The following MAD1L1 variants were observed in gnomAD, a reference collection of about 807,000 sequenced individuals.
MAD1L1 encodes the protein mitotic arrest deficient 1 like 1.
A neutral mutation model predicts 96.9 loss-of-function variants in MAD1L1; 95 were observed. The observed-to-expected ratio is 0.98, with a 90% CI of 0.83 to 1.16. The LOEUF (loss-of-function observed/expected upper bound fraction) is 1.16. Ranked by LOEUF, MAD1L1 falls within the 50% of genes most tolerant of loss-of-function variation. The pLI, the probability that MAD1L1 is intolerant of heterozygous loss-of-function variation, is 0.00. For synonymous variants in MAD1L1, 473 were observed against 396.6 expected, an observed-to-expected ratio of 1.19 and a Z score of -2.29; for missense variants, 1,007 against 954.4, an observed-to-expected ratio of 1.06 and a Z score of -0.73.
intron 15 of MAD1L1, among the ~76,000 whole-genome samples, chr7:1,973,911 C>A (rs1000971654): frequency 2.0e-5 from 3 of 152,208 alleles, no homozygotes; most frequent in Non-Finnish European, 4.4e-5. Context: ...AGCACAGACA[C>A]AGGAGCAGTG....
intron 16 of MAD1L1, among the ~76,000 whole-genome samples, chr7:1,950,324 G>A (rs1036823265): frequency 1.3e-5 from 2 of 152,110 alleles, no homozygotes; most frequent in Admixed American, 6.5e-5. Context: ...CTGTCCGTCC[G>A]TCCAGTGGCT....
chr7:2,161,842 T>G (rs1015647444), intron 10 of MAD1L1, among the ~76,000 whole-genome samples: 1 of 151,382 alleles, frequency 6.6e-6, no homozygotes, highest in African/African-American at 2.4e-5. Context: ...CCGCCCTGTC[T>G]GGGAAGTGAG....
chr7:2,008,835 T>G (rs62444879), intron 13 of MAD1L1, among the ~76,000 whole-genome samples: 6 of 103,332 alleles, frequency 5.8e-5, no homozygotes, highest in Admixed American at 9.5e-5. Flanking sequence ...GAAGCTCAGG[T>G]GGGAAGGAAC....
chr7:1,913,454 G>A (rs1471535316), intron 17 of MAD1L1, among the ~76,000 whole-genome samples: 5 of 152,204 alleles, frequency 3.3e-5, no homozygotes, highest in Non-Finnish European at 7.3e-5. Context: ...GGGAACCGTC[G>A]GGGGAGGCTC....
chr7:1,942,973 C>G (rs1270122499), intron 16 of MAD1L1, among the ~76,000 whole-genome samples: 1 of 152,192 alleles, frequency 6.6e-6, no homozygotes, highest in Non-Finnish European at 1.5e-5. Context: ...AGGAACCAAC[C>G]ACACGTTCAT....
At chr7:2,126,948 C>T (rs60269644) in intron 11 of MAD1L1, among the ~76,000 whole-genome samples, 3,090 of 152,312 alleles carry the variant, frequency 0.02, 105 homozygotes, top group African/African-American at 0.071. Flanking sequence ...TAAACAACGG[C>T]AGATTACAAC....
intron 14 of MAD1L1, among the ~76,000 whole-genome samples, chr7:1,988,171 C>T (rs139732904): frequency 0.01 from 1,559 of 152,328 alleles, 32 homozygotes; most frequent in African/African-American, 0.035. Flanking sequence ...AGGAAGAGGG[C>T]GCTGGGGACA....
At chr7:2,079,850 C>T (rs1002309608) in intron 11 of MAD1L1, 3 of 426,410 alleles carry the variant, frequency 7.0e-6, no homozygotes, top group African/African-American at 6.2e-5. Flanking sequence ...CCTCCCCAGG[C>T]TCTACTAAAC....
rs1784920456 is a variant in MAD1L1 at position 2,067,282 on chromosome 7, T to G, written c.1218+1912A>C. Among the ~76,000 whole-genome samples, 2 of 146,912 alleles carry G rather than the reference T, an allele frequency of 1.4e-5. 1 individual carries two copies. ...AGGCACCCGGGGTCATCAGGCCACGTTCGCAGGCACCCGGGGTCATCAGGC... is the reference window on the plus strand; with the variant it reads ...AGGCACCCGGGGTCATCAGGCCACGGTCGCAGGCACCCGGGGTCATCAGGC... On this transcript the variant is annotated intron_variant, in intron 12 of 18. Coordinates refer to ENST00000265854, the MANE Select transcript of MAD1L1 (RefSeq NM_001013836.2).
chr7:2,183,453 C>A (rs1397632937), intron 10 of MAD1L1, among the ~76,000 whole-genome samples: 1 of 152,122 alleles, frequency 6.6e-6, no homozygotes, highest in African/African-American at 2.4e-5. Context: ...AGATACAAAG[C>A]TATGTTTATT....
chr7:2,093,230 G>A, intron 11 of MAD1L1, among the ~76,000 whole-genome samples: 1 of 111,286 alleles, frequency 9.0e-6, no homozygotes, highest in South Asian at 3.2e-4. Flanking sequence ...GGGGGACACA[G>A]AGAGACTCCG....
At chr7:1,915,735 G>A (rs1448125656) in intron 17 of MAD1L1, among the ~76,000 whole-genome samples, 1 of 152,210 alleles carries the variant, frequency 6.6e-6, no homozygotes, top group Non-Finnish European at 1.5e-5. Context: ...TTCCGCCAGC[G>A]GGGCCAAAAC....
chr7:2,135,957 C>A (rs1035480740), intron 11 of MAD1L1, among the ~76,000 whole-genome samples: 1 of 152,202 alleles, frequency 6.6e-6, no homozygotes, highest in African/African-American at 2.4e-5. Context: ...GCTCTCTAGT[C>A]CCCTAAGGGA....
intron 18 of MAD1L1, among the ~76,000 whole-genome samples, chr7:1,839,268 C>T (rs1440736548): frequency 6.6e-6 from 1 of 152,124 alleles, no homozygotes; most frequent in Non-Finnish European, 1.5e-5. Flanking sequence ...TGGTCACCGT[C>T]TAGTCCCCAC....
intron 11 of MAD1L1, chr7:2,079,864 C>G (rs936184425): frequency 2.4e-6 from 1 of 408,788 alleles, no homozygotes; most frequent in Non-Finnish European, 5.0e-6. Flanking sequence ...ACTAAACAAC[C>G]GCCCCATGCC....
chr7:2,028,874 TGA>T (rs755246811), intron 12 of MAD1L1, among the ~76,000 whole-genome samples: 1 of 146,378 alleles, frequency 6.8e-6, no homozygotes, highest in African/African-American at 2.5e-5. Flanking sequence ...ACAAGAAAAA[TGA>T]AAAAAAAAAT....
At chr7:1,887,993 G>C (rs73048104) in intron 18 of MAD1L1, among the ~76,000 whole-genome samples, 4,902 of 116,424 alleles carry the variant, frequency 0.042, 180 homozygotes, top group Admixed American at 0.13. Flanking sequence ...GCATGCATGT[G>C]TGTATATGGC....
At chr7:2,018,223 G>GAA (rs548318524) in intron 12 of MAD1L1, among the ~76,000 whole-genome samples, 61 of 152,302 alleles carry the variant, frequency 4.0e-4, no homozygotes, top group African/African-American at 1.4e-3. Context: ...GTGACCTTGG[G>GAA]AAAAACAAAG....
At chr7:1,925,810 G>T (rs1026619076) in intron 17 of MAD1L1, among the ~76,000 whole-genome samples, 4 of 152,180 alleles carry the variant, frequency 2.6e-5, no homozygotes, top group Admixed American at 2.0e-4. Context: ...TTCTAACACG[G>T]AACGCTTACG....
Sources: allele counts gnomAD v4.1 joint callset (sites outside exome capture counted in the v4.1 genomes callset), GRCh38; gene constraint gnomAD v4.1.1; transcripts MANE v1.5; gene names NCBI Gene and HGNC (gene_info 2026-07-23, HGNC 2026-07-21).